Variants in SAMMSON observed in about 807,000 individuals in gnomAD.
SAMMSON encodes survival associated mitochondrial melanoma specific oncogenic non-coding RNA.
At chr3:70,270,306 TA>T (rs1701964379) in intron 6 of SAMMSON, among the ~76,000 whole-genome samples, 1 of 152,122 alleles carries the variant, frequency 6.6e-6, no homozygotes, top group Non-Finnish European at 1.5e-5. Context: ...GCATGGGAAA[TA>T]AATAAAAACA....
chr3:70,394,393 C>T (rs1334290908), downstream of SAMMSON, among the ~76,000 whole-genome samples: 2 of 151,956 alleles, frequency 1.3e-5, no homozygotes, highest in African/African-American at 4.8e-5. Flanking sequence ...ATATTGGAGC[C>T]AAAAGGAAAA....
chr3:70,185,976 C>CA (rs973848426), intron 4 of SAMMSON, among the ~76,000 whole-genome samples: 2 of 151,876 alleles, frequency 1.3e-5, no homozygotes. Context: ...GACCTTGTCT[C>CA]AAAAAAACCC....
chr3:70,079,665 G>A (rs960514978), intron 4 of SAMMSON, among the ~76,000 whole-genome samples: 2 of 152,152 alleles, frequency 1.3e-5, no homozygotes, highest in African/African-American at 4.8e-5. Flanking sequence ...GGTGGATTAG[G>A]ATAGGCTATG....
At chr3:70,350,559 A>G (rs1189619356) in intron 7 of SAMMSON, among the ~76,000 whole-genome samples, 2 of 152,226 alleles carry the variant, frequency 1.3e-5, no homozygotes, top group African/African-American at 4.8e-5. Flanking sequence ...ATTTTTCATT[A>G]CTTCTTCACC....
At chr3:70,252,731 G>A (rs1701781106) in intron 6 of SAMMSON, among the ~76,000 whole-genome samples, 1 of 151,882 alleles carries the variant, frequency 6.6e-6, no homozygotes, top group Admixed American at 6.6e-5. Context: ...TACATGTCAG[G>A]AACTGGTTCT....
intron 4 of SAMMSON, among the ~76,000 whole-genome samples, chr3:70,202,556 C>T (rs1267752145): frequency 6.6e-6 from 1 of 152,166 alleles, no homozygotes; most frequent in African/African-American, 2.4e-5. Context: ...GGCACAGGCT[C>T]TAATCACTGC....
At chr3:70,243,034 A>G (rs1474699103) in intron 4 of SAMMSON, among the ~76,000 whole-genome samples, 1 of 152,120 alleles carries the variant, frequency 6.6e-6, no homozygotes, top group Non-Finnish European at 1.5e-5. Flanking sequence ...GGTTTTTAGC[A>G]TATTTCTGGT....
intron 8 of SAMMSON, among the ~76,000 whole-genome samples, chr3:70,357,499 G>A (rs1702838063): frequency 1.3e-5 from 2 of 151,992 alleles, no homozygotes; most frequent in African/African-American, 4.8e-5. Flanking sequence ...TAAAAGTTGA[G>A]TGGATTTTCA....
chr3:70,111,644 C>T (rs2067389940), intron 4 of SAMMSON, among the ~76,000 whole-genome samples: 1 of 152,160 alleles, frequency 6.6e-6, no homozygotes, highest in African/African-American at 2.4e-5. Flanking sequence ...CTGAAATGAA[C>T]TTGAGCTTAT....
At chr3:70,116,464 G>A (rs896489936) in intron 4 of SAMMSON, among the ~76,000 whole-genome samples, 2 of 151,826 alleles carry the variant, frequency 1.3e-5, no homozygotes, top group African/African-American at 2.4e-5. Context: ...GCAATGCAAA[G>A]GCAACACGAG....
chr3:70,404,566 A>T (rs1198389731), intron 2 of SAMMSON, among the ~76,000 whole-genome samples: 1 of 152,210 alleles, frequency 6.6e-6, no homozygotes, highest in Non-Finnish European at 1.5e-5. Context: ...TAGAGTCCTC[A>T]TATTAAGTAG....
chr3:70,296,963 A>G (rs1240229376), intron 7 of SAMMSON, among the ~76,000 whole-genome samples: 1 of 151,938 alleles, frequency 6.6e-6, no homozygotes, highest in African/African-American at 2.4e-5. Context: ...TTTATTGTCA[A>G]TATCTGATCT....
rs545118620 is a variant in SAMMSON, at chr3:70,381,350, A to G, written n.914-8224A>G. On this transcript the variant is annotated intron_variant and non_coding_transcript_variant, in intron 9 of 9. Transcript: ENST00000642114. ...GTGACAGAAAAATTGCCATTTTGCAATCTTAATGAACTGATTCCAGGCAAT... is the reference window on the plus strand; with the variant it reads ...GTGACAGAAAAATTGCCATTTTGCAGTCTTAATGAACTGATTCCAGGCAAT... 1.4e-4 allele frequency among the ~76,000 whole-genome samples: 21 copies of G among 152,304 alleles called. No homozygotes were observed. In the East Asian group the frequency reaches 1.9e-3, roughly 14 times the overall value.
chr3:70,021,590 G>T (rs893557603), intron 3 of SAMMSON, among the ~76,000 whole-genome samples: 2 of 152,022 alleles, frequency 1.3e-5, no homozygotes, highest in Non-Finnish European at 2.9e-5. Context: ...CCTCTCTTTG[G>T]TCTTCTGTAA....
intron 2 of SAMMSON, among the ~76,000 whole-genome samples, chr3:70,430,068 G>A (rs542797544): frequency 1.3e-5 from 2 of 152,282 alleles, no homozygotes; most frequent in Non-Finnish European, 2.9e-5. Flanking sequence ...AATGCTTCCA[G>A]CTTTTGCCCA....
At chr3:70,253,851 C>T (rs2106654447) in intron 6 of SAMMSON, among the ~76,000 whole-genome samples, 1 of 152,138 alleles carries the variant, frequency 6.6e-6, no homozygotes, top group East Asian at 1.9e-4. Context: ...ATTAAATAAG[C>T]TTAAGTGAAA....
intron 4 of SAMMSON, among the ~76,000 whole-genome samples, chr3:70,137,140 T>C (rs1229076279): frequency 6.6e-6 from 1 of 152,206 alleles, no homozygotes; most frequent in African/African-American, 2.4e-5. Context: ...CCTTCTATAG[T>C]CCTTTGGTCA....
chr3:70,291,076 G>C (rs766242466), intron 6 of SAMMSON: 1 of 152,252 alleles, frequency 6.6e-6, no homozygotes, highest in Non-Finnish European at 1.5e-5. Flanking sequence ...GGCCATCTTG[G>C]CTCCTCCAGA....
At chr3:70,239,080 T>C (rs748967520) in intron 4 of SAMMSON, among the ~76,000 whole-genome samples, 4 of 152,156 alleles carry the variant, frequency 2.6e-5, no homozygotes, top group Non-Finnish European at 5.9e-5. Context: ...CTAAAATGAA[T>C]GGAAAAGAAT....
Sources: allele counts gnomAD v4.1 joint callset (sites outside exome capture counted in the v4.1 genomes callset), GRCh38; gene constraint gnomAD v4.1.1; transcripts MANE v1.5; gene names NCBI Gene and HGNC (gene_info 2026-07-23, HGNC 2026-07-21).